The following ERC1 variants were observed in gnomAD, a reference collection of about 807,000 sequenced individuals.
ERC1 encodes the protein ELKS/RAB6-interacting/CAST family member 1, also known as RAB6 interacting protein 2.
In ERC1, 56 loss-of-function variants were observed where a neutral mutation model predicts 132.0. That is an observed-to-expected ratio of 0.42 (90% CI 0.34 to 0.53). ERC1 has a LOEUF of 0.53. Ranked by LOEUF, ERC1 falls within the 20% of genes least tolerant of loss-of-function variation. The pLI is 0.03. For missense variants in ERC1, 1,202 were observed against 1,349.9 expected (o/e 0.89, Z 1.72); for synonymous variants, 478 against 476.1 (o/e 1.00, Z -0.05).
At chr12:1,452,162 C>G (rs2093438354) in intron 18 of ERC1, among the ~76,000 whole-genome samples, 1 of 152,052 alleles carries the variant, frequency 6.6e-6, no homozygotes, top group South Asian at 2.1e-4. Context: ...TTGAGATGTT[C>G]TCTGGGCACA....
At chr12:1,329,711 A>G (rs1364270710) in intron 15 of ERC1, among the ~76,000 whole-genome samples, 1 of 152,218 alleles carries the variant, frequency 6.6e-6, no homozygotes, top group Non-Finnish European at 1.5e-5. Flanking sequence ...TAAGATACCA[A>G]AATAAGTGGA....
At chr12:1,066,794 G>A (rs1398743995) in intron 2 of ERC1, among the ~76,000 whole-genome samples, 1 of 142,812 alleles carries the variant, frequency 7.0e-6, no homozygotes, top group Non-Finnish European at 1.5e-5. Flanking sequence ...CTGAGATTGC[G>A]CCATTGTAGT....
intron 17 of ERC1, chr12:1,410,400 G>T: frequency 7.6e-7 from 1 of 1,323,636 alleles, no homozygotes; most frequent in Non-Finnish European, 1.0e-6. Flanking sequence ...ATGAGGAGGA[G>T]GGTATATGGG....
intron 12 of ERC1, among the ~76,000 whole-genome samples, chr12:1,226,934 C>T (rs1474541618): frequency 6.6e-6 from 1 of 152,228 alleles, no homozygotes. Flanking sequence ...GCCTCGGCCT[C>T]CCAAAGTGTT....
At chr12:1,103,711 C>A (rs1944927484) in intron 3 of ERC1, among the ~76,000 whole-genome samples, 1 of 152,012 alleles carries the variant, frequency 6.6e-6, no homozygotes, top group Non-Finnish European at 1.5e-5. Flanking sequence ...TTGGGGGCAC[C>A]ATCAGGAGTA....
Position 1,273,156 on chromosome 12 carries a change from T to C in ERC1, c.2619+9991T>C, listed in dbSNP as rs147587201. ...TTTAGAACGTTATCCTTAGATGTTA[T>C]TCCTAGAAGCAGGAAGATACGGAAA... On this transcript the variant is annotated intron_variant, in intron 14 of 18. Coordinates refer to ENST00000360905, the MANE Select transcript of ERC1 (RefSeq NM_178040.4). Among the ~76,000 whole-genome samples the C allele has an allele frequency of 4.3e-3, 649 of 152,302 alleles. 5 individuals are homozygous for C. The highest frequency in any genetic ancestry group is 0.015 in the African/African-American group (606 of 41,558).
Position 1,296,048 on chromosome 12 carries a change from A to G in ERC1, c.2780+6036A>G, listed in dbSNP as rs551034505. 4.6e-5 allele frequency among the ~76,000 whole-genome samples: 7 copies of G among 151,842 alleles called. No individual in the cohort carries two copies. The South Asian group carries it at 1.5e-3, about 32-fold the overall frequency. Reference sequence around the variant, plus strand: ...AAAACAACTAAATTCACCCTTATACATTAAAGAATTAAAGAAAAATGTCAT... The same window carrying G: ...AAAACAACTAAATTCACCCTTATACGTTAAAGAATTAAAGAAAAATGTCAT... On this transcript the variant is annotated intron_variant, in intron 15 of 18. Transcript: ENST00000360905.
At chr12:1,353,554 A>G (rs2085234131) in intron 15 of ERC1, among the ~76,000 whole-genome samples, 1 of 152,172 alleles carries the variant, frequency 6.6e-6, no homozygotes, top group Admixed American at 6.5e-5. Context: ...ATTTCCTAAG[A>G]GGTTGTCAAA....
intron 2 of ERC1, among the ~76,000 whole-genome samples, chr12:1,056,066 G>A (rs944404901): frequency 1.5e-5 from 2 of 137,084 alleles, no homozygotes. Context: ...TACTTTTATT[G>A]TAGCCTTTTT....
rs996155405 is a variant in ERC1, at chr12:1,236,652, G to A, written c.2352-117G>A. 8 of 1,002,560 alleles carry A rather than the reference G, an allele frequency of 8.0e-6. No individual in the cohort carries two copies. In the African/African-American group the frequency reaches 1.3e-4, roughly 16 times the overall value. The allele number at this position is 1,002,560 out of a possible 1,614,324, so 62.1% of individuals were successfully genotyped here. A position where few individuals can be genotyped will look rare whatever the true frequency, so the allele number is the denominator to read the frequency against. ...GAATTGTTGAAAAATTTCGCAGCATGTATTTATTCGTTGGTTTTCAGCCAT... is the reference window on the plus strand; with the variant it reads ...GAATTGTTGAAAAATTTCGCAGCATATATTTATTCGTTGGTTTTCAGCCAT... On this transcript the variant is annotated intron_variant, in intron 12 of 18. Coordinates refer to ENST00000360905, the MANE Select transcript of ERC1 (RefSeq NM_178040.4).
intron 1 of ERC1, among the ~76,000 whole-genome samples, chr12:1,006,702 T>G (rs1963675242): frequency 6.6e-6 from 1 of 151,970 alleles, no homozygotes; most frequent in African/African-American, 2.4e-5. Flanking sequence ...GGCCTTTTCT[T>G]TTTTTATTAG....
intron 8 of ERC1, chr12:1,152,027 T>G (rs1950883414): frequency 6.6e-6 from 1 of 152,202 alleles, no homozygotes; most frequent in Non-Finnish European, 1.5e-5. Flanking sequence ...GGTGAAACCC[T>G]GTCTCTACTG....
At chr12:1,400,916 A>ATTTTTTTTTTT (rs869202443) in intron 16 of ERC1, among the ~76,000 whole-genome samples, 3 of 15,058 alleles carry the variant, frequency 2.0e-4, no homozygotes, top group Non-Finnish European at 3.3e-4. Context: ...CTATTTTTGT[A>ATTTTTTTTTTT]TTTTTTTTTT....
intron 16 of ERC1, among the ~76,000 whole-genome samples, chr12:1,406,080 G>T (rs570581253): frequency 6.6e-6 from 1 of 152,170 alleles, no homozygotes; most frequent in East Asian, 1.9e-4. Flanking sequence ...TCAGTTTTAC[G>T]CCAGACACCT....
chr12:1,165,641 T>G (rs551804552), intron 8 of ERC1, among the ~76,000 whole-genome samples: 1 of 152,286 alleles, frequency 6.6e-6, no homozygotes, highest in South Asian at 2.1e-4. Context: ...CGAGAATTTT[T>G]AAGAACATTA....
At chr12:1,427,113 A>G (rs2092665339) in intron 17 of ERC1, among the ~76,000 whole-genome samples, 1 of 152,146 alleles carries the variant, frequency 6.6e-6, no homozygotes, top group East Asian at 1.9e-4. Context: ...CTTAAATCCC[A>G]GACAGACCCT....
chr12:1,321,832 A>G (rs2082134978), intron 15 of ERC1, among the ~76,000 whole-genome samples: 1 of 152,240 alleles, frequency 6.6e-6, no homozygotes, highest in South Asian at 2.1e-4. Flanking sequence ...AAATTAAGCA[A>G]AAGACAAAGT....
At chr12:1,000,244 G>T (rs1961941802) in intron 1 of ERC1, among the ~76,000 whole-genome samples, 1 of 152,100 alleles carries the variant, frequency 6.6e-6, no homozygotes, top group Admixed American at 6.6e-5. Flanking sequence ...TAGCACTTTG[G>T]CAGACTGAGG....
intron 15 of ERC1, 87 bp downstream of exon 15, chr12:1,290,099 C>A: frequency 8.8e-7 from 1 of 1,137,604 alleles, no homozygotes; most frequent in Non-Finnish European, 1.3e-6. Flanking sequence ...CTGTGTTTTA[C>A]CCCAATACAC....
Sources: gnomAD v4.1 joint callset for allele counts (sites outside exome capture counted in the v4.1 genomes callset) on GRCh38, gnomAD v4.1.1 for gene constraint, MANE v1.5 for transcripts, NCBI Gene and HGNC (gene_info 2026-07-23, HGNC 2026-07-21) for gene names.